FOXJ3: variants seen among roughly 807,000 people sequenced by gnomAD.
FOXJ3 encodes the protein forkhead box protein J3.
A neutral mutation model predicts 76.1 loss-of-function variants in FOXJ3; 22 were observed. The ratio of observed to expected loss-of-function variants is 0.29; its 90% CI spans 0.21 to 0.41. The LOEUF (loss-of-function observed/expected upper bound fraction) is 0.41. Among genes scored for constraint, FOXJ3 ranks in the 10% least tolerant of loss-of-function variants. FOXJ3 has a pLI of 1.00. For synonymous variants in FOXJ3, 269 were observed against 261.2 expected (o/e 1.03, Z -0.29); for missense variants, 613 against 762.1 (o/e 0.80, Z 2.30).
intron 3 of FOXJ3, 82 bp downstream of exon 3, chr1:42,278,266 A>G: frequency 9.9e-7 from 1 of 1,013,220 alleles, no homozygotes. Context: ...CAATTACATG[A>G]GCATTCACAA....
intron 4 of FOXJ3, among the ~76,000 whole-genome samples, chr1:42,238,168 G>T (rs190046847): frequency 1.3e-5 from 2 of 152,098 alleles, no homozygotes; most frequent in Admixed American, 6.5e-5. Context: ...AAGTAGCTGG[G>T]AATATAGGTG....
Position 42,326,429 on chromosome 1 carries a change from C to CT in FOXJ3, c.-18+8629dup, listed in dbSNP as rs545636450. Among the ~76,000 whole-genome samples the CT allele has an allele frequency of 1.5e-3, 222 of 152,104 alleles. 3 individuals carry two copies. Among genetic ancestry groups the CT allele is most frequent in the South Asian group, 6.4e-3 (31 of 4,810 alleles). The stretch of plus-strand genomic sequence containing the variant: ...CCATTATGATGCATTCTCTCCCAGT[C>CT]TTTTTTTTCTATGCAGATATAACTT... On this transcript the variant is annotated intron_variant, in intron 1 of 12. Transcript: ENST00000361346.
In FOXJ3 at chr1:42,335,190, G is replaced by C. The variant is rs552812303; in HGVS notation, c.-149C>G. 6.6e-6 allele frequency: 1 copy of C among 152,156 alleles called. No homozygotes were observed. The highest frequency in any genetic ancestry group is 1.5e-5 in the Non-Finnish European group (1 of 68,056). The allele number at this position is 152,156 out of a possible 1,614,324, so 9.4% of individuals were successfully genotyped here. A position where few individuals can be genotyped will look rare whatever the true frequency, so the allele number is the denominator to read the frequency against. The stretch of plus-strand genomic sequence containing the variant: ...CCCGAGCAGCCCCGAGAGCGGCGGC[G>C]GCAGCAAGAGCAGCCAACATCCGGG... On this transcript the variant is annotated 5_prime_UTR_variant, in exon 1 of 13. Transcript: ENST00000361346.
intron 7 of FOXJ3, among the ~76,000 whole-genome samples, chr1:42,195,434 G>C (rs1354122174): frequency 6.6e-6 from 1 of 152,096 alleles, no homozygotes; most frequent in African/African-American, 2.4e-5. Flanking sequence ...ACTCCACTAA[G>C]CCATAAAACT....
intron 4 of FOXJ3, among the ~76,000 whole-genome samples, chr1:42,228,945 G>A (rs367574196): frequency 6.6e-5 from 10 of 152,012 alleles, no homozygotes; most frequent in African/African-American, 1.9e-4. Flanking sequence ...TTCCTAGGCC[G>A]TTTTTTAAGG....
At chr1:42,234,917 C>T (rs1648476649) in intron 4 of FOXJ3, among the ~76,000 whole-genome samples, 1 of 152,204 alleles carries the variant, frequency 6.6e-6, no homozygotes, top group African/African-American at 2.4e-5. Context: ...AGAACCACTA[C>T]TCTCTTCAAA....
chr1:42,265,112 T>C lies in FOXJ3; in HGVS notation c.444+3A>G. ...TCAACTGTTTTAAGAAGATGAATCC[T>C]ACCTTTCCAGGGTCATCCTTAGATC... On this transcript the variant is annotated splice_donor_region_variant and intron_variant, in intron 4 of 12. Coordinates refer to ENST00000361346, the MANE Select transcript of FOXJ3 (RefSeq NM_014947.5). The C allele has an allele frequency of 6.5e-7, 1 of 1,546,918 alleles. No individual in the cohort carries two copies. Among genetic ancestry groups the C allele is most frequent in the Non-Finnish European group, 8.9e-7 (1 of 1,119,664 alleles).
intron 5 of FOXJ3, among the ~76,000 whole-genome samples, chr1:42,213,594 T>A (rs1647009879): frequency 6.6e-6 from 1 of 152,018 alleles, no homozygotes; most frequent in South Asian, 2.1e-4. Context: ...TCACTAGTAC[T>A]ACAGCTAAGA....
At chr1:42,189,556 T>C (rs942941211) in intron 9 of FOXJ3, 152 bp from the exon 10 acceptor site, 1 of 579,992 alleles carries the variant, frequency 1.7e-6, no homozygotes, top group Non-Finnish European at 3.1e-6. Context: ...TGTTGGGCAA[T>C]CTGCTCTGTG....
intron 2 of FOXJ3, among the ~76,000 whole-genome samples, chr1:42,301,991 G>A (rs1344560761): frequency 2.6e-5 from 4 of 152,036 alleles, no homozygotes; most frequent in Admixed American, 6.5e-5. Context: ...CCTTCAGAAG[G>A]TGTCTATAAT....
At chr1:42,191,752 T>C (rs899410471) in intron 8 of FOXJ3, 33 bp from the exon 9 acceptor site, 17 of 1,592,030 alleles carry the variant, frequency 1.1e-5, no homozygotes, top group Non-Finnish European at 1.4e-5. Flanking sequence ...TATGGTCAGA[T>C]TTCAGTTGTA....
Position 42,280,445 on chromosome 1 carries a change from A to T in FOXJ3, c.45-1773T>A. 3.2e-6 allele frequency: 3 copies of T among 950,130 alleles called. No individual in the cohort carries two copies. In the African/African-American group the frequency reaches 5.4e-5, roughly 17 times the overall value. 58.9% of individuals were successfully genotyped at this position (950,130 alleles called of 1,614,324 possible). A position where few individuals can be genotyped will look rare whatever the true frequency, so the allele number is the denominator to read the frequency against. On this transcript the variant is annotated intron_variant, in intron 2 of 12. Transcript: ENST00000361346. ...TAGCATCTTCAGAGATCTTAAAAAA[A>T]AAAAAAAAAAAAAAAAAAAAACTTA... is the stretch of plus-strand genomic sequence containing the variant.
chr1:42,267,485 A>G (rs776486087), intron 3 of FOXJ3, among the ~76,000 whole-genome samples: 1 of 152,148 alleles, frequency 6.6e-6, no homozygotes, highest in Non-Finnish European at 1.5e-5. Context: ...CCTGAGAAAA[A>G]AGATGCTTGT....
intron 5 of FOXJ3, among the ~76,000 whole-genome samples, chr1:42,211,755 C>T (rs1646969548): frequency 6.6e-6 from 1 of 152,132 alleles, no homozygotes; most frequent in Non-Finnish European, 1.5e-5. Flanking sequence ...GCTACTACAA[C>T]CAGCATCTGA....
At chr1:42,181,127 A>C (rs968632612) in intron 12 of FOXJ3, among the ~76,000 whole-genome samples, 4 of 152,200 alleles carry the variant, frequency 2.6e-5, no homozygotes, top group African/African-American at 9.6e-5. Context: ...AGCCTAAGTA[A>C]AGGATTGTGT....
intron 1 of FOXJ3, among the ~76,000 whole-genome samples, chr1:42,322,464 G>A (rs868641697): frequency 9.9e-5 from 15 of 152,046 alleles, no homozygotes; most frequent in Admixed American, 5.9e-4. Context: ...TAAAAAAAAG[G>A]TATTTGAGGC....
At chr1:42,185,252 A>ATTTTTTTTTTT (rs36007346) in intron 11 of FOXJ3, among the ~76,000 whole-genome samples, 1 of 108,296 alleles carries the variant, frequency 9.2e-6, no homozygotes, top group Non-Finnish European at 1.8e-5. Context: ...AACATACTGA[A>ATTTTTTTTTTT]TTTTTTTTTT....
intron 4 of FOXJ3, among the ~76,000 whole-genome samples, chr1:42,246,287 T>C (rs970118135): frequency 6.6e-6 from 1 of 152,056 alleles, no homozygotes; most frequent in Non-Finnish European, 1.5e-5. Context: ...ATTCAGAATA[T>C]ACAAGGAACT....
Position 42,312,730 on chromosome 1 carries a change from A to G in FOXJ3, c.-17-1620T>C, listed in dbSNP as rs147848736. ...CCTTTAGGGCATTATGCCAAGCACT[A>G]TGAATTCTGGCTTGCAATTCCAAGA... On this transcript the variant is annotated intron_variant, in intron 1 of 12. Coordinates refer to ENST00000361346, the MANE Select transcript of FOXJ3 (RefSeq NM_014947.5). Among the ~76,000 whole-genome samples the G allele has an allele frequency of 5.1e-3, 775 of 152,370 alleles. 10 individuals carry two copies. The highest frequency in any genetic ancestry group is 5.7e-3 in the Admixed American group (88 of 15,312).
Sources: allele counts gnomAD v4.1 joint callset (sites outside exome capture counted in the v4.1 genomes callset), GRCh38; gene constraint gnomAD v4.1.1; transcripts MANE v1.5; gene names NCBI Gene and HGNC (gene_info 2026-07-23, HGNC 2026-07-21).